DCAF1: variants seen among roughly 807,000 people sequenced by gnomAD.
DCAF1 encodes the protein DDB1 and CUL4 associated factor 1, also known as DDB1- and CUL4-associated factor 1.
Under a neutral mutation model 128.0 loss-of-function variants are expected in DCAF1, and 15 were observed. The ratio of observed to expected loss-of-function variants is 0.12; its 90% confidence interval spans 0.08 to 0.18. The LOEUF (loss-of-function observed/expected upper bound fraction) is 0.18. DCAF1 is among the 10% of genes least tolerant of loss of function. The probability of loss-of-function intolerance (pLI) is 1.00; values close to 1 mark genes in which losing one functional copy is unlikely to be tolerated. For missense variants in DCAF1, 988 were observed against 1,649.5 expected (o/e 0.60, Z 6.95); for synonymous variants, 610 against 603.0 (o/e 1.01, Z -0.17).
intron 6 of DCAF1, among the ~76,000 whole-genome samples, chr3:51,458,328 TAATGGTAAAGGGATC>T (rs1293576524): frequency 6.6e-6 from 1 of 152,102 alleles, no homozygotes; most frequent in Non-Finnish European, 1.5e-5. Context: ...GGCCATTACA[TAATGGTAAAGGGATC>T]AATTCAACAA....
intron 24 of DCAF1, 113 bp downstream of exon 24, chr3:51,403,029 CA>C (rs2089844451): frequency 4.1e-6 from 6 of 1,459,866 alleles, no homozygotes; most frequent in Non-Finnish European, 4.5e-6. Context: ...AGTAGTGAAT[CA>C]AATTATGGGG....
At chr3:51,442,037 C>G (rs935037164) in intron 7 of DCAF1, 140 bp from the exon 8 acceptor site, 1 of 1,193,352 alleles carries the variant, frequency 8.4e-7, no homozygotes, top group Non-Finnish European at 1.2e-6. Context: ...TTGATAAATG[C>G]GTTGCTTTGA....
intron 24 of DCAF1, among the ~76,000 whole-genome samples, chr3:51,402,841 G>A (rs556919020): frequency 3.5e-4 from 53 of 152,134 alleles, no homozygotes; most frequent in Non-Finnish European, 5.7e-4. Context: ...CCAAAGTGCT[G>A]GGATTACAGG....
At chr3:51,502,245 G>C (rs928526599), upstream of DCAF1, among the ~76,000 whole-genome samples, 8 of 152,098 alleles carry the variant, frequency 5.3e-5, no homozygotes, top group Non-Finnish European at 8.8e-5. Context: ...CTTCATTTCA[G>C]AAACCCAACC....
intron 9 of DCAF1, among the ~76,000 whole-genome samples, chr3:51,437,728 T>C: frequency 6.6e-6 from 1 of 152,010 alleles, no homozygotes; most frequent in East Asian, 1.9e-4. Context: ...GGCAGGAGGA[T>C]GGCTTGAGCC....
chr3:51,458,386 C>G (rs1703158967), intron 6 of DCAF1, among the ~76,000 whole-genome samples: 2 of 152,062 alleles, frequency 1.3e-5, no homozygotes, highest in Admixed American at 6.6e-5. Flanking sequence ...TATATGCACC[C>G]AATACAGGAG....
In DCAF1 at chr3:51,441,832, G is replaced by C. The variant is rs544559749; in HGVS notation, c.579C>G (p.Asn193Lys). Residue 193 changes from asparagine to lysine, a missense_variant, in exon 8 of 25, where the codon AAC (asparagine) becomes AAG (lysine). Asn to Lys is a moderately conservative substitution (Grantham distance 94). Coordinates refer to ENST00000684031, the MANE Select transcript of DCAF1 (RefSeq NM_001387579.1). ...AGAGCTTCCGTGGACTGGGACGCTT[G>C]TTTTCCTGCCGCAAAGCCACTTCCT... ...QLQEVALRQE[N>K]KRPSPRKLSS... The C allele has an allele frequency of 2.5e-6, 4 of 1,613,388 alleles. No individual in the cohort carries two copies. The highest frequency in any genetic ancestry group is 3.4e-6 in the Non-Finnish European group (4 of 1,179,862).
chr3:51,425,485 AAAAT>A (rs1448605498), intron 13 of DCAF1, among the ~76,000 whole-genome samples: 5 of 152,130 alleles, frequency 3.3e-5, no homozygotes, highest in African/African-American at 4.8e-5. Flanking sequence ...AACCAACAAA[AAAAT>A]AAATAAACAC....
At chr3:51,449,610 GAA>G (rs1368447522) in intron 6 of DCAF1, among the ~76,000 whole-genome samples, 1 of 151,658 alleles carries the variant, frequency 6.6e-6, no homozygotes, top group Non-Finnish European at 1.5e-5. Context: ...TATGCCACTA[GAA>G]AAAAACAATA....
At chr3:51,431,769 T>G (rs1164214828) in intron 10 of DCAF1, among the ~76,000 whole-genome samples, 14 of 150,572 alleles carry the variant, frequency 9.3e-5, no homozygotes, top group Admixed American at 5.3e-4. Flanking sequence ...CTGGGCAACA[T>G]GGTGAAACCC....
At chr3:51,476,389 AAAAC>A (rs1705447972) in intron 3 of DCAF1, among the ~76,000 whole-genome samples, 1 of 151,644 alleles carries the variant, frequency 6.6e-6, no homozygotes, top group Non-Finnish European at 1.5e-5. Context: ...ACTCCATCTC[AAAAC>A]AAACAAAAAA....
chr3:51,444,334 A>G (rs1414377338), intron 6 of DCAF1, among the ~76,000 whole-genome samples: 3 of 151,858 alleles, frequency 2.0e-5, no homozygotes, highest in Non-Finnish European at 4.4e-5. Context: ...TGTTTAATTT[A>G]GCCCCACATA....
chr3:51,443,606 A>G (rs944115632), intron 7 of DCAF1, among the ~76,000 whole-genome samples, 160 bp downstream of exon 7: 1 of 151,862 alleles, frequency 6.6e-6, no homozygotes, highest in Non-Finnish European at 1.5e-5. Context: ...AAAAAAAGCT[A>G]TTTTCAATTT....
chr3:51,496,241 T>C (rs1200257175), intron 2 of DCAF1, among the ~76,000 whole-genome samples: 1 of 151,972 alleles, frequency 6.6e-6, no homozygotes, highest in Non-Finnish European at 1.5e-5. Flanking sequence ...CTGGCCAACA[T>C]GGTGAAACCG....
chr3:51,467,285 T>C (rs1488827319), intron 4 of DCAF1, among the ~76,000 whole-genome samples: 2 of 151,964 alleles, frequency 1.3e-5, no homozygotes, highest in South Asian at 2.1e-4. Context: ...TGAGCCAAGA[T>C]TGCACCACTG....
chr3:51,502,587 AAAC>A (rs1201533828), upstream of DCAF1, among the ~76,000 whole-genome samples: 5 of 152,044 alleles, frequency 3.3e-5, no homozygotes, highest in Admixed American at 6.6e-5. Context: ...TTTTTTTAAA[AAAC>A]AAACCCAGCC....
chr3:51,436,806 G>A (rs193200029), intron 9 of DCAF1, among the ~76,000 whole-genome samples: 21 of 152,300 alleles, frequency 1.4e-4, no homozygotes, highest in Admixed American at 2.6e-4. Flanking sequence ...GGGAAAGAAC[G>A]TAAAGAGACC....
Position 51,466,224 on chromosome 3 carries a change from G to C in DCAF1, c.261+579C>G, listed in dbSNP as rs1236190748. On this transcript the variant is annotated intron_variant, in intron 5 of 24. Coordinates refer to ENST00000684031, the MANE Select transcript of DCAF1 (RefSeq NM_001387579.1). ...CTCAAAAGGAAGAAAAGAAAAAGAAGGCAGTGAGAAAATAAAGCTTGAAGA... is the reference window on the plus strand; with the variant it reads ...CTCAAAAGGAAGAAAAGAAAAAGAACGCAGTGAGAAAATAAAGCTTGAAGA... 3.9e-5 allele frequency among the ~76,000 whole-genome samples: 6 copies of C among 152,166 alleles called. No individual in the cohort carries two copies. In the East Asian group the frequency reaches 9.7e-4, roughly 24 times the overall value.
At chr3:51,422,158 T>C (rs1419359798) in intron 14 of DCAF1, 149 bp downstream of exon 14, 3 of 582,158 alleles carry the variant, frequency 5.2e-6, no homozygotes, top group Middle Eastern at 2.7e-4. Flanking sequence ...TGCTGAATGG[T>C]ACTCCTTATA....
Sources: allele counts gnomAD v4.1 joint callset (sites outside exome capture counted in the v4.1 genomes callset), GRCh38; gene constraint gnomAD v4.1.1; transcripts MANE v1.5; gene names NCBI Gene and HGNC (gene_info 2026-07-23, HGNC 2026-07-21).